Variants in CTBP2 observed in about 807,000 individuals in gnomAD.
The protein encoded by CTBP2 is C-terminal-binding protein 2.
A neutral mutation model predicts 80.3 loss-of-function variants in CTBP2; 30 were observed. The ratio of observed to expected loss-of-function variants is 0.37; its 90% confidence interval spans 0.28 to 0.51. The LOEUF (loss-of-function observed/expected upper bound fraction) is 0.51. CTBP2 is among the 20% of genes least tolerant of loss of function. CTBP2 has a pLI of 0.93. For missense variants in CTBP2, 1,212 were observed against 1,375.3 expected (o/e 0.88, Z 1.88); for synonymous variants, 594 against 587.4 (o/e 1.01, Z -0.16).
intron 1 of CTBP2, among the ~76,000 whole-genome samples, chr10:125,156,738 T>C (rs998886092): frequency 1.2e-4 from 19 of 152,356 alleles, no homozygotes; most frequent in Non-Finnish European, 2.2e-4. Flanking sequence ...TGTAGGTTGA[T>C]TTTCTGGTTT....
At chr10:125,035,254 C>A (rs1213538492) in intron 3 of CTBP2, among the ~76,000 whole-genome samples, 1 of 152,216 alleles carries the variant, frequency 6.6e-6, no homozygotes, top group Admixed American at 6.5e-5. Context: ...CATATCCACC[C>A]AACCAGCTCA....
intron 1 of CTBP2, among the ~76,000 whole-genome samples, chr10:125,009,301 G>A (rs1017294666): frequency 6.6e-6 from 1 of 152,204 alleles, no homozygotes; most frequent in African/African-American, 2.4e-5. Context: ...TGACCTGCAG[G>A]TGGCCTGGGA....
chr10:125,003,327 G>A lies in CTBP2; in HGVS notation c.1833+11C>T, dbSNP rs375594155. Reference sequence around the variant, plus strand: ...GTCAGTGCAGGCCCCGGCCGGGCAGGGTGGGCCCACCTTCTCGTGGATTTC... The same window carrying A: ...GTCAGTGCAGGCCCCGGCCGGGCAGAGTGGGCCCACCTTCTCGTGGATTTC... On this transcript the variant is annotated intron_variant, in intron 2 of 8. Transcript: ENST00000309035. The A allele has an allele frequency of 2.3e-5, 37 of 1,606,944 alleles. No homozygotes were observed. Among genetic ancestry groups the A allele is most frequent in the African/African-American group, 2.1e-4 (16 of 74,582 alleles).
chr10:125,073,863 T>C (rs1845890403), intron 2 of CTBP2, among the ~76,000 whole-genome samples: 1 of 152,214 alleles, frequency 6.6e-6, no homozygotes, highest in South Asian at 2.1e-4. Flanking sequence ...AATCAGGGTC[T>C]GGTGCTGGTT....
chr10:125,102,293 G>A (rs1017961507), intron 2 of CTBP2, among the ~76,000 whole-genome samples: 1 of 152,238 alleles, frequency 6.6e-6, no homozygotes, highest in African/African-American at 2.4e-5. Flanking sequence ...ACCAAGTCCT[G>A]TGCAATTAGA....
chr10:125,005,630 GCACCGT>G, intron 1 of CTBP2: 1 of 1,612,926 alleles, frequency 6.2e-7, no homozygotes, highest in Non-Finnish European at 8.5e-7. Context: ...ATCCGCAACA[GCACCGT>G]CACCTGACGA....
intron 1 of CTBP2, among the ~76,000 whole-genome samples, chr10:125,153,155 G>A (rs1860303528): frequency 6.6e-6 from 1 of 152,228 alleles, no homozygotes; most frequent in South Asian, 2.1e-4. Flanking sequence ...CCGCACAGAG[G>A]ACAATGTTGG....
rs147734203 is a variant in CTBP2, at chr10:125,076,782, G to A, written c.-102+34208C>T. 2.7e-3 allele frequency among the ~76,000 whole-genome samples: 417 copies of A among 152,332 alleles called. 3 individuals are homozygous for A. Among genetic ancestry groups the A allele is most frequent in the African/African-American group, 8.9e-3 (369 of 41,570 alleles). ...AACAATTTTATATCCACTCTGGCAAGAGATGGCTCGTTCCTTGTGCACTGT... is the reference window on the plus strand; with the variant it reads ...AACAATTTTATATCCACTCTGGCAAAAGATGGCTCGTTCCTTGTGCACTGT... On this transcript the variant is annotated intron_variant, in intron 2 of 10. Transcript: ENST00000337195.
At chr10:125,084,489 G>A (rs866926979) in intron 2 of CTBP2, among the ~76,000 whole-genome samples, 22 of 152,166 alleles carry the variant, frequency 1.4e-4, no homozygotes, top group African/African-American at 4.3e-4. Flanking sequence ...CTACCAGTCC[G>A]GAGGCTCCCG....
At chr10:125,076,947 T>C (rs777689473) in intron 2 of CTBP2, among the ~76,000 whole-genome samples, 9 of 152,224 alleles carry the variant, frequency 5.9e-5, no homozygotes, top group Non-Finnish European at 1.2e-4. Context: ...TGCTGGTCCA[T>C]TAATTACAAT....
intron 1 of CTBP2, among the ~76,000 whole-genome samples, chr10:125,142,064 G>T (rs781563287): frequency 6.6e-6 from 1 of 152,208 alleles, no homozygotes; most frequent in African/African-American, 2.4e-5. Context: ...AGGGAGCATG[G>T]CCTTAGATGC....
At chr10:125,128,558 C>G (rs561369654) in intron 1 of CTBP2, among the ~76,000 whole-genome samples, 1 of 152,310 alleles carries the variant, frequency 6.6e-6, no homozygotes, top group African/African-American at 2.4e-5. Context: ...GCAGAGCCAA[C>G]GGTGCAGACC....
intron 3 of CTBP2, 77 bp downstream of exon 5, chr10:125,002,883 T>C: frequency 2.6e-6 from 4 of 1,561,682 alleles, no homozygotes; most frequent in African/African-American, 1.3e-5. Context: ...CAGTTCCAGC[T>C]GCTTCTCCAA....
chr10:124,998,328 G>A lies in CTBP2; in HGVS notation c.1979-158C>T, dbSNP rs1000264503. 24 of 745,074 alleles carry A rather than the reference G, an allele frequency of 3.2e-5. No individual in the cohort carries two copies. In the African/African-American group the frequency reaches 3.3e-4, roughly 10 times the overall value. 46.2% of individuals were successfully genotyped at this position (745,074 alleles called of 1,614,324 possible). On this transcript the variant is annotated intron_variant, in intron 3 of 8. Coordinates refer to ENST00000309035, the MANE Select transcript of CTBP2 (RefSeq NM_022802.3). ...GCGGGGCTGGGCACGTGGGCGGTAG[G>A]CCCTCTGGCTCTGATGCATGGGAAG... is the stretch of plus-strand genomic sequence containing the variant.
chr10:125,015,122 T>C (rs1336152592), intron 1 of CTBP2, among the ~76,000 whole-genome samples: 4 of 152,200 alleles, frequency 2.6e-5, no homozygotes, highest in African/African-American at 7.2e-5. Context: ...GGGAGCTTCA[T>C]AGCGCAGTAA....
At chr10:125,116,413 C>T (rs1262027730) in intron 1 of CTBP2, among the ~76,000 whole-genome samples, 1 of 152,136 alleles carries the variant, frequency 6.6e-6, no homozygotes, top group African/African-American at 2.4e-5. Flanking sequence ...CACATGGGTA[C>T]CCAGGAAATG....
At chr10:125,113,380 C>T (rs530758044) in intron 1 of CTBP2, among the ~76,000 whole-genome samples, 78 of 152,332 alleles carry the variant, frequency 5.1e-4, no homozygotes, top group African/African-American at 1.9e-3. Flanking sequence ...ATCTCCAAGT[C>T]TCTAAAGGTT....
chr10:125,005,721 A>G (rs754959021), intron 1 of CTBP2: 1 of 1,612,892 alleles, frequency 6.2e-7, no homozygotes, highest in Admixed American at 1.7e-5. Flanking sequence ...CAAATTCCAC[A>G]AGATTCCTTC....
chr10:125,112,433 T>G (rs1373295250), intron 1 of CTBP2, among the ~76,000 whole-genome samples: 10 of 144,010 alleles, frequency 6.9e-5, no homozygotes, highest in Non-Finnish European at 1.4e-4. Context: ...CTTTTTCGTT[T>G]TTTTTTTTTT....
Sources: gnomAD v4.1 joint callset for allele counts (sites outside exome capture counted in the v4.1 genomes callset) on GRCh38, gnomAD v4.1.1 for gene constraint, MANE v1.5 for transcripts, NCBI Gene and HGNC (gene_info 2026-07-23, HGNC 2026-07-21) for gene names.